The following LRRIQ1 variants were observed in gnomAD, a reference collection of about 807,000 sequenced individuals.
LRRIQ1 encodes leucine rich repeats and IQ motif containing 1, also known as leucine-rich repeat- and IQ domain-containing protein 1.
A neutral mutation model predicts 211.9 loss-of-function variants in LRRIQ1; 210 were observed. That is an observed-to-expected ratio of 0.99 (90% CI 0.89 to 1.11). The LOEUF (loss-of-function observed/expected upper bound fraction) is 1.11, where lower values mean the gene tolerates loss of function less well. Among genes scored for constraint, LRRIQ1 ranks in the 50% most tolerant of loss-of-function variants. LRRIQ1 has a pLI of 0.00. For missense variants in LRRIQ1, 2,136 were observed against 1,939.5 expected (o/e 1.10, Z -1.90); for synonymous variants, 699 against 650.1 (o/e 1.08, Z -1.14).
chr12:85,110,843 C>T lies in LRRIQ1; in HGVS notation c.3377+4228C>T, dbSNP rs193198685. Among the ~76,000 whole-genome samples the T allele has an allele frequency of 3.3e-5, 5 of 152,070 alleles. No individual in the cohort carries two copies. The East Asian group carries it at 7.7e-4, about 24-fold the overall frequency. ...GTAAAATGGGTATACTGGGAAATAC[C>T]ATTGGAAGGAGATGAGAAATCAAGT... is the stretch of plus-strand genomic sequence containing the variant. On this transcript the variant is annotated intron_variant, in intron 15 of 26. Coordinates refer to ENST00000393217, the MANE Select transcript of LRRIQ1 (RefSeq NM_001079910.2).
chr12:85,055,651 A>G lies in LRRIQ1; in HGVS notation c.858A>G (p.Ala286=). The change falls in exon 8 of 27, where the codon GCA becomes GCG. Residue 286 remains alanine, a synonymous_variant. Coordinates refer to ENST00000393217, the MANE Select transcript of LRRIQ1 (RefSeq NM_001079910.2). The stretch of plus-strand genomic sequence containing the variant: ...CTTTGTTAAAACAGCAGAATAATGC[A>G]GCTGTTAAAATTCAAGCTAAATATA... ...KNSLLKQQNN[A]AVKIQAKYKA... 6.2e-7 allele frequency: 1 copy of G among 1,601,936 alleles called. No individual in the cohort carries two copies.
rs561460461 is a variant in LRRIQ1 at position 85,103,934 on chromosome 12, A to G, written c.3210-70A>G. The stretch of plus-strand genomic sequence containing the variant: ...TTGTATTATAAAAATGTATTGTTAT[A>G]TAGTTACAATGGTAACATTAAGGAC... On this transcript the variant is annotated intron_variant, in intron 13 of 26. Transcript: ENST00000393217. 59 of 711,660 alleles carry G rather than the reference A, an allele frequency of 8.3e-5. No individual in the cohort carries two copies. In the African/African-American group the frequency reaches 9.8e-4, roughly 12 times the overall value. 44.1% of individuals were successfully genotyped at this position (711,660 alleles called of 1,614,324 possible).
intron 23 of LRRIQ1, among the ~76,000 whole-genome samples, chr12:85,155,028 T>C (rs963295279): frequency 6.6e-6 from 1 of 151,314 alleles, no homozygotes; most frequent in Non-Finnish European, 1.5e-5. Context: ...AATATAACAT[T>C]TTAAAACAAG....
At chr12:85,081,076 T>C (rs2136165229) in intron 11 of LRRIQ1, among the ~76,000 whole-genome samples, 1 of 152,256 alleles carries the variant, frequency 6.6e-6, no homozygotes, top group South Asian at 2.1e-4. Context: ...ATTTGAATGA[T>C]TCTTACTCTT....
At position 85,072,979 on chromosome 12, in the gene LRRIQ1, C is replaced by T. The variant is rs779411880; in HGVS notation, c.2768C>T (p.Ser923Phe). ...GFCHHLGTST[S>F]YLSLAQVWIP... ...TGCCATCACTTGGGCACCTCCACTT[C>T]TTACTTATCCCTGGCACAAGTCTGG... Residue 923 changes from serine to phenylalanine, a missense_variant, in exon 11 of 27, where the codon TCT (serine) becomes TTT (phenylalanine). Ser to Phe is a radical substitution (Grantham distance 155). Coordinates refer to ENST00000393217, the MANE Select transcript of LRRIQ1 (RefSeq NM_001079910.2). 1 of 1,612,952 alleles carries T rather than the reference C, an allele frequency of 6.2e-7. No homozygotes were observed. The highest frequency in any genetic ancestry group is 1.1e-5 in the South Asian group (1 of 91,038).
At chr12:85,265,652 G>A (rs890088788), downstream of LRRIQ1, among the ~76,000 whole-genome samples, 1 of 151,866 alleles carries the variant, frequency 6.6e-6, no homozygotes, top group Non-Finnish European at 1.5e-5. Context: ...TTAAAATATG[G>A]CTAATCTCAG....
chr12:85,230,732 A>C (rs1376553106), intron 25 of LRRIQ1, among the ~76,000 whole-genome samples: 1 of 152,190 alleles, frequency 6.6e-6, no homozygotes, highest in Non-Finnish European at 1.5e-5. Flanking sequence ...AAGGAGTAAA[A>C]GTGTTATTAT....
intron 21 of LRRIQ1, 44 bp downstream of exon 21, chr12:85,153,189 A>G (rs369723976): frequency 5.3e-6 from 8 of 1,510,496 alleles, no homozygotes; most frequent in Non-Finnish European, 5.4e-6. Context: ...GTGAATGACA[A>G]CAGTATTACA....
chr12:85,232,957 A>AG (rs747780486), intron 26 of LRRIQ1: 6 of 486,274 alleles, frequency 1.2e-5, no homozygotes, highest in African/African-American at 6.1e-5. Context: ...TTGCTTAAAA[A>AG]TGTTAATTTT....
intron 24 of LRRIQ1, among the ~76,000 whole-genome samples, chr12:85,197,252 T>C (rs1892970884): frequency 6.6e-6 from 1 of 151,624 alleles, no homozygotes; most frequent in Non-Finnish European, 1.5e-5. Context: ...AGTTCAACCA[T>C]TGTGGAAGTC....
intron 24 of LRRIQ1, among the ~76,000 whole-genome samples, chr12:85,197,013 C>G (rs909151295): frequency 1.0e-4 from 15 of 150,588 alleles, no homozygotes; most frequent in Non-Finnish European, 2.1e-4. Flanking sequence ...AAAAAGTGGG[C>G]GAAGGACATG....
Position 85,160,714 on chromosome 12 carries a change from G to C in LRRIQ1, c.4822G>C (p.Gly1608Arg), listed in dbSNP as rs781744287. The change falls in exon 24 of 27, where the codon GGT becomes CGT. Residue 1608 changes from glycine to arginine, a missense_variant and splice_region_variant. Coordinates refer to ENST00000393217, the MANE Select transcript of LRRIQ1 (RefSeq NM_001079910.2). ...GCCCAGAAGAGATGGTTACTTTGAA[G>C]GTATGGCTTAATAACAGATACATAG... ...VQPRRDGYFE[G>R]IEEDPIHKDT... is the part of the protein sequence containing the mutation. The C allele has an allele frequency of 9.7e-6, 15 of 1,551,526 alleles. No homozygotes were observed. In the Admixed American group the frequency reaches 1.9e-4, roughly 19 times the overall value.
intron 11 of LRRIQ1, among the ~76,000 whole-genome samples, chr12:85,092,055 T>C (rs1885448412): frequency 6.6e-6 from 1 of 152,208 alleles, no homozygotes; most frequent in Non-Finnish European, 1.5e-5. Flanking sequence ...TATTGTGAAC[T>C]GAGCATGCAA....
At chr12:85,150,692 T>C (rs1480377246) in intron 19 of LRRIQ1, among the ~76,000 whole-genome samples, 1 of 151,702 alleles carries the variant, frequency 6.6e-6, no homozygotes, top group African/African-American at 2.4e-5. Flanking sequence ...TTTTCAACCC[T>C]TTTCTTTCTG....
intron 19 of LRRIQ1, among the ~76,000 whole-genome samples, chr12:85,149,982 C>T (rs1038882173): frequency 6.6e-6 from 1 of 151,746 alleles, no homozygotes; most frequent in African/African-American, 2.4e-5. Flanking sequence ...AGCACTCTAT[C>T]AACATCTCTA....
At chr12:85,246,201 C>A (rs1201875135), downstream of LRRIQ1, among the ~76,000 whole-genome samples, 1 of 151,110 alleles carries the variant, frequency 6.6e-6, no homozygotes, top group Non-Finnish European at 1.5e-5. Flanking sequence ...AGAATCTGGT[C>A]ATTGAAATGT....
intron 24 of LRRIQ1, among the ~76,000 whole-genome samples, chr12:85,228,726 T>C (rs1158180960): frequency 1.3e-5 from 2 of 152,140 alleles, no homozygotes; most frequent in Admixed American, 1.3e-4. Flanking sequence ...TCAAAATAGG[T>C]TTTGCACCAT....
chr12:85,180,793 T>G (rs2136880820), intron 24 of LRRIQ1, among the ~76,000 whole-genome samples: 1 of 152,026 alleles, frequency 6.6e-6, no homozygotes, highest in Non-Finnish European at 1.5e-5. Flanking sequence ...TGTGTTAAAA[T>G]TTAGAATTTG....
intron 19 of LRRIQ1, among the ~76,000 whole-genome samples, chr12:85,144,018 A>G (rs964149507): frequency 1.1e-4 from 16 of 151,550 alleles, no homozygotes; most frequent in African/African-American, 3.9e-4. Context: ...TCATCCAGGT[A>G]GTAAGCATGG....
Sources: gnomAD v4.1 joint callset for allele counts (sites outside exome capture counted in the v4.1 genomes callset) on GRCh38, gnomAD v4.1.1 for gene constraint, MANE v1.5 for transcripts, NCBI Gene and HGNC (gene_info 2026-07-23, HGNC 2026-07-21) for gene names.